Variants in SLC26A7 observed in about 807,000 individuals in gnomAD.
The protein encoded by SLC26A7 is anion exchange transporter.
A neutral mutation model predicts 82.5 loss-of-function variants in SLC26A7; 59 were observed. The ratio of observed to expected loss-of-function variants is 0.72; its 90% confidence interval spans 0.58 to 0.89. SLC26A7 has a LOEUF of 0.89. SLC26A7 is among the 40% of genes least tolerant of loss of function. The probability of loss-of-function intolerance (pLI) is 0.00; values close to 1 mark genes in which losing one functional copy is unlikely to be tolerated. For synonymous variants in SLC26A7, 271 were observed against 274.3 expected (o/e 0.99, Z 0.12); for missense variants, 820 against 793.0 (o/e 1.03, Z -0.41).
chr8:91,392,330 A>G (rs1352176271), intron 16 of SLC26A7, among the ~76,000 whole-genome samples: 7 of 152,132 alleles, frequency 4.6e-5, no homozygotes, highest in African/African-American at 7.2e-5. Flanking sequence ...TCTATGTACT[A>G]GTTCTGTGAT....
chr8:91,235,737 TTAA>T (rs1810385497), intron 2 of SLC26A7, among the ~76,000 whole-genome samples: 2 of 152,254 alleles, frequency 1.3e-5, no homozygotes, highest in Non-Finnish European at 2.9e-5. Flanking sequence ...CAATCATTGA[TTAA>T]TAACTCTTGA....
chr8:91,348,130 C>T (rs1467897912), intron 9 of SLC26A7, among the ~76,000 whole-genome samples: 1 of 152,224 alleles, frequency 6.6e-6, no homozygotes, highest in Non-Finnish European at 1.5e-5. Context: ...AGATTGTCTC[C>T]GCATTCTAAT....
At chr8:91,236,189 C>T (rs1427439790) in intron 2 of SLC26A7, among the ~76,000 whole-genome samples, 1 of 152,066 alleles carries the variant, frequency 6.6e-6, no homozygotes, top group East Asian at 1.9e-4. Context: ...ATATTCTTAA[C>T]TGCATGAAAA....
Position 91,394,257 on chromosome 8 carries a change from A to G in SLC26A7, c.1935+218A>G. On this transcript the variant is annotated intron_variant, in intron 18 of 18. Transcript: ENST00000276609. ...GTTGTTTGATAACTTGGATCTTCCA[A>G]CAATGCCACCGCTCTGAGGATTGGG... 6.2e-7 allele frequency: 1 copy of G among 1,613,436 alleles called. No homozygotes were observed. Among genetic ancestry groups the G allele is most frequent in the Non-Finnish European group, 8.5e-7 (1 of 1,179,586 alleles).
At chr8:91,281,875 C>T (rs1245182898) in intron 2 of SLC26A7, among the ~76,000 whole-genome samples, 1 of 152,112 alleles carries the variant, frequency 6.6e-6, no homozygotes. Flanking sequence ...ATTAAGCATA[C>T]CTTTTCAGCT....
intron 3 of SLC26A7, among the ~76,000 whole-genome samples, chr8:91,294,176 C>A (rs1159722166): frequency 6.6e-6 from 1 of 152,196 alleles, no homozygotes; most frequent in Non-Finnish European, 1.5e-5. Flanking sequence ...ACAGAGCATT[C>A]TGACTTTAGT....
At chr8:91,389,223 T>C in intron 15 of SLC26A7, 115 bp from the exon 16 acceptor site, 1 of 697,992 alleles carries the variant, frequency 1.4e-6, no homozygotes, top group Non-Finnish European at 2.5e-6. Context: ...ATTAAAAGTG[T>C]TTAGAATTAC....
At chr8:91,344,534 A>G (rs1205719864) in intron 9 of SLC26A7, among the ~76,000 whole-genome samples, 2 of 152,208 alleles carry the variant, frequency 1.3e-5, no homozygotes, top group Non-Finnish European at 1.5e-5. Flanking sequence ...TTTGAAAAGT[A>G]TGTGTTTGTT....
chr8:91,288,853 C>T (rs1239734274), intron 2 of SLC26A7, among the ~76,000 whole-genome samples: 1 of 152,154 alleles, frequency 6.6e-6, no homozygotes, highest in African/African-American at 2.4e-5. Flanking sequence ...TACTGTCCAA[C>T]CTACCATTCA....
At position 91,395,269 on chromosome 8, in the gene SLC26A7, T is replaced by C. The variant is rs1378326120; in HGVS notation, c.*172T>C. ...GTTGGAAAGAACTGCCAACTTTTTT[T>C]TCTCATTTTTGTTAGTAAGAAGATT... On this transcript the variant is annotated 3_prime_UTR_variant, in exon 19 of 19. Coordinates refer to ENST00000276609, the MANE Select transcript of SLC26A7 (RefSeq NM_052832.4). 1 of 1,399,986 alleles carries C rather than the reference T, an allele frequency of 7.1e-7. No individual in the cohort carries two copies. The highest frequency in any genetic ancestry group is 2.5e-5 in the East Asian group (1 of 39,564). The allele number at this position is 1,399,986 out of a possible 1,614,324, so 86.7% of individuals were successfully genotyped here.
intron 9 of SLC26A7, chr8:91,344,050 A>G (rs1813493571): frequency 1.0e-6 from 1 of 984,680 alleles, no homozygotes; most frequent in Admixed American, 6.2e-5. Context: ...GACAATCATA[A>G]TGATGAAGAT....
chr8:91,340,681 A>C, intron 8 of SLC26A7, 130 bp downstream of exon 8: 1 of 1,059,778 alleles, frequency 9.4e-7, no homozygotes, highest in Non-Finnish European at 1.4e-6. Flanking sequence ...GTTGAACAAA[A>C]AAAAAGAAAA....
chr8:91,323,818 C>CTTTTTTTTTTTTTTTTT (rs3086210), intron 5 of SLC26A7, among the ~76,000 whole-genome samples: 1 of 117,104 alleles, frequency 8.5e-6, no homozygotes, highest in Non-Finnish European at 1.8e-5. Flanking sequence ...TTTTTCTTAT[C>CTTTTTTTTTTTTTTTTT]TTTTTTTTTT....
intron 6 of SLC26A7, among the ~76,000 whole-genome samples, chr8:91,335,614 C>G (rs1813218403): frequency 6.6e-6 from 1 of 152,038 alleles, no homozygotes; most frequent in African/African-American, 2.4e-5. Context: ...TGGTAGTAAA[C>G]CAGTTGCTTA....
At chr8:91,258,877 C>T (rs866596689) in intron 2 of SLC26A7, among the ~76,000 whole-genome samples, 3 of 152,082 alleles carry the variant, frequency 2.0e-5, no homozygotes, top group African/African-American at 7.2e-5. Flanking sequence ...ATCTTAAACT[C>T]CAACAAAACT....
At chr8:91,229,997 T>A (rs1810290630) in intron 2 of SLC26A7, among the ~76,000 whole-genome samples, 2 of 152,174 alleles carry the variant, frequency 1.3e-5, no homozygotes, top group Non-Finnish European at 2.9e-5. Flanking sequence ...TTTTCTGATA[T>A]TTTTTTCCAC....
At chr8:91,370,178 C>CTTT (rs34930979) in intron 15 of SLC26A7, among the ~76,000 whole-genome samples, 11 of 147,574 alleles carry the variant, frequency 7.5e-5, no homozygotes, top group African/African-American at 2.3e-4. Flanking sequence ...TTCTTTCCTT[C>CTTT]TTTTTTTTTC....
chr8:91,380,803 T>C (rs1814650014), intron 15 of SLC26A7, among the ~76,000 whole-genome samples: 1 of 152,146 alleles, frequency 6.6e-6, no homozygotes, highest in Non-Finnish European at 1.5e-5. Flanking sequence ...CCTGAAGAAA[T>C]GATAATTTAT....
intron 18 of SLC26A7, chr8:91,394,760 A>G: frequency 9.2e-7 from 1 of 1,084,592 alleles, no homozygotes; most frequent in Non-Finnish European, 1.2e-6. Flanking sequence ...AAGCTTTACT[A>G]TGTTGTTTAA....
Sources: gnomAD v4.1 joint callset for allele counts (sites outside exome capture counted in the v4.1 genomes callset) on GRCh38, gnomAD v4.1.1 for gene constraint, MANE v1.5 for transcripts, NCBI Gene and HGNC (gene_info 2026-07-23, HGNC 2026-07-21) for gene names.